Variants in PVALB observed in about 807,000 individuals in gnomAD.
PVALB encodes the protein parvalbumin.
PVALB carries 11 observed loss-of-function variants against 10.9 expected under a neutral mutation model. The observed-to-expected ratio is 1.01, with a 90% CI of 0.63 to 1.67. The LOEUF (loss-of-function observed/expected upper bound fraction) is 1.67, where lower values mean the gene tolerates loss of function less well. PVALB is among the 40% of genes most tolerant of loss of function. The probability of loss-of-function intolerance (pLI) is 0.00; values close to 1 mark genes in which losing one functional copy is unlikely to be tolerated. For synonymous variants in PVALB, 57 were observed against 50.7 expected, an observed-to-expected ratio of 1.12 and a Z score of -0.53; for missense variants, 131 against 136.2, an observed-to-expected ratio of 0.96 and a Z score of 0.19.
chr22:36,814,505 C>T (rs1939104212), intron 2 of PVALB, among the ~76,000 whole-genome samples: 1 of 152,116 alleles, frequency 6.6e-6, no homozygotes, highest in Non-Finnish European at 1.5e-5. Flanking sequence ...CATAAGGCAA[C>T]CTGAGTCAGT....
intron 3 of PVALB, among the ~76,000 whole-genome samples, chr22:36,810,425 T>C (rs556445400): frequency 6.6e-6 from 1 of 152,200 alleles, no homozygotes; most frequent in Non-Finnish European, 1.5e-5. Context: ...CGTTAGGGGG[T>C]TGGGAGTGAG....
chr22:36,803,444 C>T (rs1439228613), intron 3 of PVALB, among the ~76,000 whole-genome samples: 1 of 152,162 alleles, frequency 6.6e-6, no homozygotes, highest in Non-Finnish European at 1.5e-5. Context: ...GTTCACTGTT[C>T]TCCTGGCAGC....
At position 36,813,741 on chromosome 22, in the gene PVALB, C is replaced by T. The variant is rs377350741; in HGVS notation, c.209G>A (p.Gly70Asp). The T allele has an allele frequency of 1.4e-5, 23 of 1,612,940 alleles. No individual in the cohort carries two copies. The highest frequency in any genetic ancestry group is 1.6e-4 in the Middle Eastern group (1 of 6,082). Residue 70 changes from glycine to aspartate, a missense_variant, in exon 3 of 4, where the codon GGC (glycine) becomes GAC (aspartate). Coordinates refer to ENST00000417718, the MANE Select transcript of PVALB (RefSeq NM_001315532.2). ...EEDELGFILK[G>D]FSPDARDLSA... ...CAGGTCTCTGGCATCTGGGGAGAAG[C>T]CTTTTAGGATGAATCTGGAGGAGAA... is the stretch of plus-strand genomic sequence containing the variant.
chr22:36,815,291 G>A, intron 1 of PVALB, 56 bp from the exon 2 acceptor site: 1 of 1,599,162 alleles, frequency 6.3e-7, no homozygotes, highest in Non-Finnish European at 8.6e-7. Flanking sequence ...AGGGAAGCCT[G>A]GGAGAATGGG....
chr22:36,817,764 A>G (rs933697876), upstream of PVALB, among the ~76,000 whole-genome samples: 1 of 152,028 alleles, frequency 6.6e-6, no homozygotes. Context: ...CACTTCTCAG[A>G]TCTCTACTAA....
intron 3 of PVALB, among the ~76,000 whole-genome samples, chr22:36,811,900 C>T (rs576712666): frequency 1.8e-4 from 27 of 152,200 alleles, no homozygotes; most frequent in Non-Finnish European, 3.7e-4. Context: ...CACCTCCCTC[C>T]TTCCCAGCCA....
At chr22:36,802,330 C>A (rs59095433) in intron 3 of PVALB, among the ~76,000 whole-genome samples, 47,907 of 151,224 alleles carry the variant, frequency 0.32, 9,025 homozygotes, top group Non-Finnish European at 0.43. Flanking sequence ...GGGCTGGGCA[C>A]GGTGGCTCGC....
intron 2 of PVALB, among the ~76,000 whole-genome samples, chr22:36,814,425 G>A (rs2067069): frequency 0.42 from 64,034 of 151,474 alleles, 15,473 homozygotes; most frequent in Middle Eastern, 0.58. Context: ...CTACTTGAAA[G>A]GCCTCTCCCT....
intron 3 of PVALB, among the ~76,000 whole-genome samples, chr22:36,807,397 GC>G (rs1479290001): frequency 6.6e-6 from 1 of 152,212 alleles, no homozygotes; most frequent in Non-Finnish European, 1.5e-5. Context: ...CTTGATCTGA[GC>G]ATCCTGTCCT....
chr22:36,806,610 G>A (rs950664237), intron 3 of PVALB, among the ~76,000 whole-genome samples: 2 of 151,948 alleles, frequency 1.3e-5, no homozygotes, highest in Admixed American at 6.6e-5. Context: ...AATAGCTCCC[G>A]GGCTCGGTTT....
chr22:36,810,311 A>C (rs947612914), intron 3 of PVALB, among the ~76,000 whole-genome samples: 11 of 152,166 alleles, frequency 7.2e-5, no homozygotes, highest in African/African-American at 2.7e-4. Flanking sequence ...CTTTAGAGAG[A>C]GTGACAGCAA....
chr22:36,802,910 T>A (rs1039940645), intron 3 of PVALB, among the ~76,000 whole-genome samples: 5 of 151,962 alleles, frequency 3.3e-5, no homozygotes, highest in African/African-American at 1.2e-4. Flanking sequence ...TCGTACAGAA[T>A]CCCTCCCATA....
chr22:36,808,632 C>T (rs1939000241), intron 3 of PVALB, among the ~76,000 whole-genome samples: 1 of 152,222 alleles, frequency 6.6e-6, no homozygotes, highest in Admixed American at 6.5e-5. Context: ...GTGGGCTCCA[C>T]CTAAGGAATC....
intron 3 of PVALB, among the ~76,000 whole-genome samples, chr22:36,807,013 C>T (rs1001472266): frequency 3.9e-5 from 6 of 152,196 alleles, no homozygotes; most frequent in Admixed American, 6.5e-5. Context: ...CTCCCTTTCA[C>T]AAGAGGCCAG....
chr22:36,817,761 C>G (rs370711329), upstream of PVALB, among the ~76,000 whole-genome samples: 40 of 152,262 alleles, frequency 2.6e-4, no homozygotes, highest in African/African-American at 9.6e-4. Flanking sequence ...GAACACTTCT[C>G]AGATCTCTAC....
At chr22:36,801,128 A>G (rs1938857198) in intron 3 of PVALB, among the ~76,000 whole-genome samples, 1 of 152,184 alleles carries the variant, frequency 6.6e-6, no homozygotes, top group Non-Finnish European at 1.5e-5. Flanking sequence ...GGCCTACCAC[A>G]TCTTTTGGTT....
intron 3 of PVALB, among the ~76,000 whole-genome samples, chr22:36,812,312 G>A (rs1458577007): frequency 6.6e-6 from 1 of 152,164 alleles, no homozygotes; most frequent in Non-Finnish European, 1.5e-5. Context: ...TCTGTGTGGG[G>A]TATTGGCTAG....
chr22:36,801,716 C>T (rs975071342), intron 3 of PVALB, among the ~76,000 whole-genome samples: 1 of 152,192 alleles, frequency 6.6e-6, no homozygotes, highest in African/African-American at 2.4e-5. Flanking sequence ...AGGAGAATTG[C>T]TTGATCCCAG....
upstream of PVALB, among the ~76,000 whole-genome samples, chr22:36,819,119 G>C (rs1160735119): frequency 6.6e-6 from 1 of 152,112 alleles, no homozygotes; most frequent in African/African-American, 2.4e-5. Flanking sequence ...TGCCCTCTGG[G>C]TCCTCTCTGA....
Sources: gnomAD v4.1 joint callset for allele counts (sites outside exome capture counted in the v4.1 genomes callset) on GRCh38, gnomAD v4.1.1 for gene constraint, MANE v1.5 for transcripts, NCBI Gene and HGNC (gene_info 2026-07-23, HGNC 2026-07-21) for gene names.